Variants in CNTNAP5 observed in about 807,000 individuals in gnomAD.
CNTNAP5 encodes the protein contactin associated protein family member 5.
A neutral mutation model predicts 150.2 loss-of-function variants in CNTNAP5; 72 were observed. The observed-to-expected ratio is 0.48, with a 90% CI of 0.40 to 0.58. The LOEUF is 0.58. Among genes scored for constraint, CNTNAP5 ranks in the 20% least tolerant of loss-of-function variants. The probability of loss-of-function intolerance (pLI) is 0.00; values close to 1 mark genes in which losing one functional copy is unlikely to be tolerated. For synonymous variants in CNTNAP5, 672 were observed against 619.8 expected (o/e 1.08, Z -1.25); for missense variants, 1,636 against 1,626.2 (o/e 1.01, Z -0.10).
intron 3 of CNTNAP5, among the ~76,000 whole-genome samples, chr2:124,269,464 G>T (rs955969874): frequency 1.3e-5 from 2 of 152,102 alleles, no homozygotes; most frequent in Admixed American, 1.3e-4. Context: ...GATATTCAGG[G>T]CTCTGTTGAT....
At chr2:124,422,052 C>A (rs1324764759) in intron 4 of CNTNAP5, among the ~76,000 whole-genome samples, 6 of 152,296 alleles carry the variant, frequency 3.9e-5, no homozygotes, top group Non-Finnish European at 8.8e-5. Flanking sequence ...TAACAGCCAG[C>A]ACTTAATTGG....
intron 3 of CNTNAP5, among the ~76,000 whole-genome samples, chr2:124,362,648 T>C (rs560159278): frequency 6.6e-6 from 1 of 152,316 alleles, no homozygotes; most frequent in South Asian, 2.1e-4. Flanking sequence ...ATCATTGTAG[T>C]ACTGCCTGGA....
At chr2:124,471,041 C>T (rs1693501987) in intron 6 of CNTNAP5, among the ~76,000 whole-genome samples, 1 of 152,050 alleles carries the variant, frequency 6.6e-6, no homozygotes, top group Non-Finnish European at 1.5e-5. Context: ...TTAGGATTGT[C>T]TTGGCTATTC....
chr2:124,129,599 A>C (rs945021507), intron 1 of CNTNAP5, among the ~76,000 whole-genome samples: 3 of 152,206 alleles, frequency 2.0e-5, no homozygotes, highest in Admixed American at 2.0e-4. Flanking sequence ...AATTGCATTC[A>C]TGCAGGGGTT....
At chr2:124,388,687 T>TTTTTC (rs1307785296) in intron 3 of CNTNAP5, among the ~76,000 whole-genome samples, 1 of 152,144 alleles carries the variant, frequency 6.6e-6, no homozygotes, top group Non-Finnish European at 1.5e-5. Flanking sequence ...CGGGGCCTTT[T>TTTTTC]TTTTCTTTTC....
chr2:124,574,082 A>C (rs537795945), intron 11 of CNTNAP5, among the ~76,000 whole-genome samples: 60 of 152,250 alleles, frequency 3.9e-4, no homozygotes, highest in African/African-American at 1.4e-3. Context: ...TCTACTATAC[A>C]TTTTTTATAC....
intron 11 of CNTNAP5, among the ~76,000 whole-genome samples, chr2:124,575,715 AG>A (rs2104943669): frequency 6.6e-6 from 1 of 152,320 alleles, no homozygotes; most frequent in South Asian, 2.1e-4. Context: ...GAGCTCCTTG[AG>A]GTCATGCACT....
intron 11 of CNTNAP5, among the ~76,000 whole-genome samples, chr2:124,573,765 A>G (rs1435680481): frequency 6.6e-6 from 1 of 152,176 alleles, no homozygotes; most frequent in Non-Finnish European, 1.5e-5. Flanking sequence ...TTGTGCCTCC[A>G]CTTTGAATCC....
chr2:124,341,496 A>G (rs1053163607), intron 3 of CNTNAP5, among the ~76,000 whole-genome samples: 5 of 152,154 alleles, frequency 3.3e-5, no homozygotes, highest in African/African-American at 1.2e-4. Flanking sequence ...TAGTAATGGA[A>G]TGGCAAAGAA....
intron 10 of CNTNAP5, among the ~76,000 whole-genome samples, chr2:124,528,992 C>A (rs73956311): frequency 0.022 from 3,314 of 151,960 alleles, 111 homozygotes; most frequent in African/African-American, 0.076. Context: ...ACACACATTT[C>A]TCCATTAATA....
intron 12 of CNTNAP5, among the ~76,000 whole-genome samples, chr2:124,628,085 A>G (rs4848252): frequency 0.39 from 59,783 of 152,070 alleles, 13,828 homozygotes; most frequent in Non-Finnish European, 0.53. Flanking sequence ...TGAGCCTACT[A>G]CTGATTGGAG....
chr2:124,099,271 A>C (rs1031516423), intron 1 of CNTNAP5, among the ~76,000 whole-genome samples: 1 of 152,024 alleles, frequency 6.6e-6, no homozygotes, highest in African/African-American at 2.4e-5. Flanking sequence ...ATCCAGGAAG[A>C]CTCCGCATAG....
intron 10 of CNTNAP5, among the ~76,000 whole-genome samples, chr2:124,552,634 T>C (rs1316338484): frequency 6.6e-6 from 1 of 152,218 alleles, no homozygotes; most frequent in Admixed American, 6.5e-5. Context: ...CATATATGTA[T>C]GTGTGAGTAT....
chr2:124,032,412 G>A (rs1349368519), intron 1 of CNTNAP5, among the ~76,000 whole-genome samples: 1 of 152,080 alleles, frequency 6.6e-6, no homozygotes, highest in African/African-American at 2.4e-5. Flanking sequence ...ATTATAGTCA[G>A]ATTTTTTTGC....
intron 11 of CNTNAP5, among the ~76,000 whole-genome samples, chr2:124,588,229 T>C (rs1432631492): frequency 2.0e-5 from 3 of 146,522 alleles, no homozygotes; most frequent in East Asian, 4.1e-4. Flanking sequence ...TCTTTCTTTC[T>C]TTCTTTCTTC....
chr2:124,045,224 A>G (rs1681495878), intron 1 of CNTNAP5, among the ~76,000 whole-genome samples: 1 of 152,036 alleles, frequency 6.6e-6, no homozygotes, highest in Admixed American at 6.6e-5. Context: ...GGGTCTAGGT[A>G]AGTCTTCCAC....
chr2:124,776,716 G>A (rs1485963557), intron 17 of CNTNAP5, among the ~76,000 whole-genome samples: 1 of 152,158 alleles, frequency 6.6e-6, no homozygotes, highest in Non-Finnish European at 1.5e-5. Flanking sequence ...CACAGTATAG[G>A]AAGAGATCTA....
At chr2:124,757,161 T>G (rs1680857689) in intron 14 of CNTNAP5, among the ~76,000 whole-genome samples, 1 of 152,154 alleles carries the variant, frequency 6.6e-6, no homozygotes, top group Non-Finnish European at 1.5e-5. Flanking sequence ...CTGCCCTGTG[T>G]GTAAATAAAC....
At chr2:124,306,719 C>CTTTTTTTTTTTT (rs762901729) in intron 3 of CNTNAP5, among the ~76,000 whole-genome samples, 1 of 64,356 alleles carries the variant, frequency 1.6e-5, no homozygotes, top group Middle Eastern at 0.015. Flanking sequence ...CTCTCTCTTT[C>CTTTTTTTTTTTT]TTTTTTTTTT....
Sources: allele counts gnomAD v4.1 joint callset (sites outside exome capture counted in the v4.1 genomes callset), GRCh38; gene constraint gnomAD v4.1.1; transcripts MANE v1.5; gene names NCBI Gene and HGNC (gene_info 2026-07-23, HGNC 2026-07-21).